Variants in UIMC1 observed in about 807,000 individuals in gnomAD.
The protein encoded by UIMC1 is ubiquitin interaction motif containing 1.
UIMC1 carries 42 observed loss-of-function variants against 84.9 expected under a neutral mutation model. The ratio of observed to expected loss-of-function variants is 0.49; its 90% confidence interval spans 0.39 to 0.64. UIMC1 has a LOEUF of 0.64. UIMC1 is among the 30% of genes least tolerant of loss of function. The probability of loss-of-function intolerance (pLI) is 0.00; values close to 1 mark genes in which losing one functional copy is unlikely to be tolerated. For synonymous variants in UIMC1, 281 were observed against 293.0 expected (o/e 0.96, Z 0.42); for missense variants, 825 against 847.6 (o/e 0.97, Z 0.33).
chr5:176,990,192 AC>A (rs1012337675), intron 1 of UIMC1, among the ~76,000 whole-genome samples: 1 of 151,768 alleles, frequency 6.6e-6, no homozygotes, highest in Non-Finnish European at 1.5e-5. Context: ...AAAAAAAAAA[AC>A]AAAAACAAAG....
At chr5:176,968,439 G>A in intron 6 of UIMC1, 116 bp downstream of exon 6, 1 of 1,376,998 alleles carries the variant, frequency 7.3e-7, no homozygotes, top group Non-Finnish European at 9.8e-7. Context: ...TTTCTATAGT[G>A]AACATGTATT....
At chr5:176,981,982 T>C (rs760191602) in intron 2 of UIMC1, among the ~76,000 whole-genome samples, 2 of 152,234 alleles carry the variant, frequency 1.3e-5, no homozygotes, top group African/African-American at 2.4e-5. Context: ...AAATGTTGTA[T>C]AGCTCTGCTG....
chr5:176,998,466 CA>C lies in UIMC1; in HGVS notation c.-9+8183del, dbSNP rs35445945. Among the ~76,000 whole-genome samples the C allele has an allele frequency of 1.1e-4, 7 of 64,398 alleles. No individual in the cohort carries two copies. In the South Asian group the frequency reaches 2.7e-3, roughly 25 times the overall value. 42.2% of individuals were successfully genotyped at this position (64,398 alleles called of 152,430 possible). A position where few individuals can be genotyped will look rare whatever the true frequency, so the allele number is the denominator to read the frequency against. On this transcript the variant is annotated intron_variant, in intron 1 of 14. Coordinates refer to ENST00000511320, the MANE Select transcript of UIMC1 (RefSeq NM_001199298.2). ...TGGACGACAGAGCAAGACTCTGTCTCAAAAAAAAAAAAAAAAAAAGTCTGGG... is the reference window on the plus strand; with the variant it reads ...TGGACGACAGAGCAAGACTCTGTCTCAAAAAAAAAAAAAAAAAAGTCTGGG...
At chr5:176,909,456 T>C (rs1759827886) in intron 11 of UIMC1, among the ~76,000 whole-genome samples, 1 of 152,180 alleles carries the variant, frequency 6.6e-6, no homozygotes, top group Non-Finnish European at 1.5e-5. Context: ...TTCAGCTCCA[T>C]TAGGAAGGAA....
chr5:176,985,842 C>T (rs2149512924), intron 1 of UIMC1, among the ~76,000 whole-genome samples: 1 of 152,142 alleles, frequency 6.6e-6, no homozygotes, highest in East Asian at 1.9e-4. Flanking sequence ...TTTTAAATAC[C>T]AAATGCCTCA....
chr5:176,946,267 A>G (rs1765095587), intron 9 of UIMC1, among the ~76,000 whole-genome samples: 1 of 152,140 alleles, frequency 6.6e-6, no homozygotes, highest in Non-Finnish European at 1.5e-5. Flanking sequence ...TGCTGGCCAG[A>G]TCCCACAATA....
chr5:177,015,366 G>C (rs114783555), intron 1 of UIMC1, among the ~76,000 whole-genome samples: 1 of 152,116 alleles, frequency 6.6e-6, no homozygotes, highest in East Asian at 1.9e-4. Flanking sequence ...AGAGATTTGT[G>C]GTTAATCCCC....
At chr5:176,916,677 T>C (rs1339063389) in intron 10 of UIMC1, among the ~76,000 whole-genome samples, 1 of 152,222 alleles carries the variant, frequency 6.6e-6, no homozygotes, top group African/African-American at 2.4e-5. Flanking sequence ...TCACTATTTG[T>C]TTATATAATT....
At chr5:177,001,725 G>A (rs1164604448) in intron 1 of UIMC1, among the ~76,000 whole-genome samples, 1 of 151,072 alleles carries the variant, frequency 6.6e-6, no homozygotes, top group Admixed American at 6.6e-5. Flanking sequence ...GGATCACAAG[G>A]TCAGGAGATC....
intron 1 of UIMC1, among the ~76,000 whole-genome samples, chr5:176,989,794 G>C (rs367636153): frequency 3.9e-5 from 6 of 152,080 alleles, no homozygotes; most frequent in African/African-American, 1.4e-4. Context: ...CATCTCACTA[G>C]ATAACTAGAT....
At chr5:176,970,673 TACA>T (rs1561851156) in intron 4 of UIMC1, 66 bp downstream of exon 4, 3 of 1,611,170 alleles carry the variant, frequency 1.9e-6, no homozygotes, top group Non-Finnish European at 2.5e-6. Context: ...CTAATGCAAC[TACA>T]ACACCACAGA....
intron 1 of UIMC1, among the ~76,000 whole-genome samples, chr5:176,997,790 G>A (rs1315393574): frequency 6.8e-6 from 1 of 147,942 alleles, no homozygotes; most frequent in Non-Finnish European, 1.5e-5. Context: ...CGTATTATCT[G>A]CCCTCCTGCC....
intron 9 of UIMC1, among the ~76,000 whole-genome samples, chr5:176,950,541 C>A (rs531139387): frequency 6.6e-6 from 1 of 151,994 alleles, no homozygotes; most frequent in East Asian, 1.9e-4. Context: ...TAAAGGAATT[C>A]CAGGTAAACT....
chr5:176,908,727 T>A, intron 11 of UIMC1, 33 bp from the exon 12 acceptor site: 1 of 1,593,756 alleles, frequency 6.3e-7, no homozygotes, highest in East Asian at 2.3e-5. Context: ...GAAAACACAG[T>A]TTTAAGATGT....
At chr5:176,923,564 A>G (rs573576494) in intron 10 of UIMC1, among the ~76,000 whole-genome samples, 1 of 149,788 alleles carries the variant, frequency 6.7e-6, no homozygotes, top group Non-Finnish European at 1.5e-5. Flanking sequence ...AAAAAAAAAA[A>G]AGAAAGAAAG....
intron 1 of UIMC1, among the ~76,000 whole-genome samples, chr5:176,993,375 G>A (rs1311951919): frequency 1.3e-5 from 2 of 151,960 alleles, no homozygotes; most frequent in Non-Finnish European, 2.9e-5. Context: ...TTTTTGTAGA[G>A]ACAAGGTCTC....
rs781014062 is a variant in UIMC1, at chr5:176,907,207, T to A, written c.1849-30A>T. 34 of 1,598,158 alleles carry A rather than the reference T, an allele frequency of 2.1e-5. No individual in the cohort carries two copies. In the Middle Eastern group the frequency reaches 8.3e-4, roughly 39 times the overall value. On this transcript the variant is annotated intron_variant, in intron 12 of 14. Transcript: ENST00000511320. Reference sequence around the variant, plus strand: ...AACAGAGAAAAACAGATGAAAAGGTTACTTCATGTCAGAGTCTAAAATACA... The same window carrying A: ...AACAGAGAAAAACAGATGAAAAGGTAACTTCATGTCAGAGTCTAAAATACA...
In UIMC1 at chr5:176,955,947, T is replaced by A; in HGVS notation, c.1339+12A>T. On this transcript the variant is annotated intron_variant, in intron 8 of 14. Coordinates refer to ENST00000511320, the MANE Select transcript of UIMC1 (RefSeq NM_001199298.2). ...TATCAGAAATTCAGTAAAATCACAG[T>A]GGGGTACTTACCAGGACAAACAGTG... 1 of 1,611,882 alleles carries A rather than the reference T, an allele frequency of 6.2e-7. No individual in the cohort carries two copies. Among genetic ancestry groups the A allele is most frequent in the African/African-American group, 1.3e-5 (1 of 74,940 alleles).
At chr5:176,997,159 T>A (rs1773726278) in intron 1 of UIMC1, among the ~76,000 whole-genome samples, 3 of 152,026 alleles carry the variant, frequency 2.0e-5, no homozygotes, top group Admixed American at 2.0e-4. Context: ...CCCTCATTTT[T>A]CATATCCAAT....
Sources: gnomAD v4.1 joint callset for allele counts (sites outside exome capture counted in the v4.1 genomes callset) on GRCh38, gnomAD v4.1.1 for gene constraint, MANE v1.5 for transcripts, NCBI Gene and HGNC (gene_info 2026-07-23, HGNC 2026-07-21) for gene names.